MTRF1: variants seen among roughly 807,000 people sequenced by gnomAD.
MTRF1 encodes mitochondrial translation release factor 1, also known as peptide chain release factor 1, mitochondrial.
A neutral mutation model predicts 62.9 loss-of-function variants in MTRF1; 51 were observed. The ratio of observed to expected loss-of-function variants is 0.81; its 90% CI spans 0.65 to 1.02. MTRF1 has a LOEUF of 1.02. Among genes scored for constraint, MTRF1 ranks in the 50% least tolerant of loss-of-function variants. The probability of loss-of-function intolerance (pLI) is 0.00; values close to 1 mark genes in which losing one functional copy is unlikely to be tolerated. For missense variants in MTRF1, 446 were observed against 530.0 expected, an observed-to-expected ratio of 0.84 and a Z score of 1.56; for synonymous variants, 158 against 181.9, an observed-to-expected ratio of 0.87 and a Z score of 1.06.
At chr13:41,292,063 CCAA>C in the MTRF1 span, among the ~76,000 whole-genome samples, 4 of 151,846 alleles carry the variant, frequency 2.6e-5, no homozygotes, top group Non-Finnish European at 5.9e-5. Context: ...TATGCAGAGA[CCAA>C]CAAAACAAAA....
chr13:41,262,770 G>T (rs547698588), intron 1 of MTRF1, among the ~76,000 whole-genome samples: 16 of 152,280 alleles, frequency 1.1e-4, no homozygotes, highest in African/African-American at 3.1e-4. Flanking sequence ...AGGCCAGCCT[G>T]GGCAACACAG....
At chr13:41,304,424 G>A in the MTRF1 span, among the ~76,000 whole-genome samples, 1 of 152,206 alleles carries the variant, frequency 6.6e-6, no homozygotes, top group African/African-American at 2.4e-5. Context: ...ACAGACGTGT[G>A]CCTGGGCTTC....
chr13:41,309,195 T>C, the MTRF1 span, among the ~76,000 whole-genome samples: 1 of 151,954 alleles, frequency 6.6e-6, no homozygotes, highest in South Asian at 2.1e-4. Context: ...ATGTGTCCTT[T>C]TTTTTTTTGA....
At chr13:41,275,374 G>T in the MTRF1 span, among the ~76,000 whole-genome samples, 1 of 151,864 alleles carries the variant, frequency 6.6e-6, no homozygotes, top group Non-Finnish European at 1.5e-5. Flanking sequence ...CTAATTTGTT[G>T]TATTTTTAGT....
chr13:41,254,412 A>G (rs1327000742), intron 3 of MTRF1, 117 bp downstream of exon 3: 9 of 554,526 alleles, frequency 1.6e-5, no homozygotes, highest in Non-Finnish European at 2.8e-5. Context: ...ATCACTTATC[A>G]TAAGAGAACA....
intron 5 of MTRF1, among the ~76,000 whole-genome samples, chr13:41,244,048 C>A (rs2037904345): frequency 6.6e-6 from 1 of 152,256 alleles, no homozygotes; most frequent in Non-Finnish European, 1.5e-5. Flanking sequence ...TAATGTTCAC[C>A]CCTACTCCTT....
In MTRF1 at chr13:41,245,238, A is replaced by G. The variant is rs528090231; in HGVS notation, c.698-4805T>C. Among the ~76,000 whole-genome samples, 4 of 136,208 alleles carry G rather than the reference A, an allele frequency of 2.9e-5. No individual in the cohort carries two copies. The East Asian group carries it at 8.4e-4, about 29-fold the overall frequency. The allele number at this position is 136,208 out of a possible 152,430, so 89.4% of individuals were successfully genotyped here. ...ATCCTGATTTATCAGATTCTTTGAC[A>G]CTTCATATTGCTTTTTTTTTTTGAA... On this transcript the variant is annotated intron_variant, in intron 5 of 9. Coordinates refer to ENST00000379480, the MANE Select transcript of MTRF1 (RefSeq NM_004294.4).
the MTRF1 span, among the ~76,000 whole-genome samples, chr13:41,270,886 C>T: frequency 1.3e-4 from 20 of 152,028 alleles, no homozygotes; most frequent in African/African-American, 1.7e-4. Context: ...TACAGGCATG[C>T]GCCACCATGC....
In MTRF1 at chr13:41,216,938, AAAAT is replaced by A; in HGVS notation, c.*173_*176del. 2.4e-6 allele frequency: 1 copy of A among 417,274 alleles called. No homozygotes were observed. Among genetic ancestry groups the A allele is most frequent in the Non-Finnish European group, 4.2e-6 (1 of 236,120 alleles). The allele number at this position is 417,274 out of a possible 1,614,324, so 25.8% of individuals were successfully genotyped here. A position where few individuals can be genotyped will look rare whatever the true frequency, so the allele number is the denominator to read the frequency against. On this transcript the variant is annotated 3_prime_UTR_variant, in exon 10 of 10. Transcript: ENST00000379480. ...TTGGATTGTACTTTACAGGAAACCTAAAATAAATTCTTAGGTCAGGAAATGTGAC... is the reference window on the plus strand; with the variant it reads ...TTGGATTGTACTTTACAGGAAACCTAAAATTCTTAGGTCAGGAAATGTGAC...
At chr13:41,244,396 G>T (rs1014962906) in intron 5 of MTRF1, among the ~76,000 whole-genome samples, 1 of 152,054 alleles carries the variant, frequency 6.6e-6, no homozygotes, top group Non-Finnish European at 1.5e-5. Context: ...AGTGTTGGTC[G>T]TTCTAGCTGG....
At chr13:41,273,270 G>A in the MTRF1 span, among the ~76,000 whole-genome samples, 8 of 151,436 alleles carry the variant, frequency 5.3e-5, no homozygotes, top group Admixed American at 2.6e-4. Context: ...AGGTTGCAGT[G>A]AGCCGAGATC....
intron 6 of MTRF1, among the ~76,000 whole-genome samples, chr13:41,239,320 A>G (rs1298685635): frequency 6.6e-6 from 1 of 152,182 alleles, no homozygotes; most frequent in African/African-American, 2.4e-5. Context: ...GATATTATAC[A>G]ATTATGTTTA....
In MTRF1 at chr13:41,247,144, G is replaced by A. The variant is rs149236392; in HGVS notation, c.697+5501C>T. Among the ~76,000 whole-genome samples the A allele has an allele frequency of 3.0e-3, 461 of 152,302 alleles. 2 individuals are homozygous for A. The highest frequency in any genetic ancestry group is 0.014 in the Middle Eastern group (4 of 294). ...GAGATAAATACATGCAGAACATTTC[G>A]TACAGTGTTGACATGCAGCTGTCGA... is the stretch of plus-strand genomic sequence containing the variant. On this transcript the variant is annotated intron_variant, in intron 5 of 9. Coordinates refer to ENST00000379480, the MANE Select transcript of MTRF1 (RefSeq NM_004294.4).
In MTRF1 at chr13:41,226,508, C is replaced by T. The variant is rs140431727; in HGVS notation, c.1049G>A (p.Arg350His). The change falls in exon 8 of 10, where the codon CGT becomes CAT. Residue 350 changes from arginine (R) to histidine (H), a missense_variant. Physicochemically the swap from Arg to His is conservative, Grantham distance 29 (BLOSUM62 0). Coordinates refer to ENST00000379480, the MANE Select transcript of MTRF1 (RefSeq NM_004294.4). Reference sequence around the variant, plus strand: ...CTGGTAGAGTCTAGCTCTCAACACACGAAAGGCTATTTCTTTATTTTTTAT... The same window carrying T: ...CTGGTAGAGTCTAGCTCTCAACACATGAAAGGCTATTTCTTTATTTTTTAT... ...SQIKNKEIAF[R>H]VLRARLYQQI... 1.5e-5 allele frequency: 24 copies of T among 1,613,826 alleles called. No individual in the cohort carries two copies. The highest frequency in any genetic ancestry group is 8.0e-5 in the African/African-American group (6 of 74,910).
At chr13:41,311,486 A>G in the MTRF1 span, 1 of 1,562,724 alleles carries the variant, frequency 6.4e-7, no homozygotes, top group East Asian at 2.4e-5. Flanking sequence ...GCGCCCGGGC[A>G]CCTAGCCTCC....
At chr13:41,263,132 C>A in intron 1 of MTRF1, 2 of 509,744 alleles carry the variant, frequency 3.9e-6, no homozygotes, top group South Asian at 1.7e-5. Context: ...AAAAGGATGA[C>A]AAATATATGT....
At chr13:41,276,507 G>A in the MTRF1 span, among the ~76,000 whole-genome samples, 2 of 152,230 alleles carry the variant, frequency 1.3e-5, no homozygotes, top group Admixed American at 1.3e-4. Context: ...CATGTGCCAA[G>A]CACTCTGCTA....
At chr13:41,309,433 G>A in the MTRF1 span, among the ~76,000 whole-genome samples, 1 of 151,374 alleles carries the variant, frequency 6.6e-6, no homozygotes, top group African/African-American at 2.4e-5. Flanking sequence ...AGGGTGATCC[G>A]CCTGCCTCAG....
Position 41,240,278 on chromosome 13 carries a change from G to A in MTRF1, c.853C>T (p.Leu285Phe), listed in dbSNP as rs768830686. The A allele has an allele frequency of 1.9e-6, 3 of 1,608,646 alleles. No individual in the cohort carries two copies. The highest frequency in any genetic ancestry group is 2.5e-6 in the Non-Finnish European group (3 of 1,177,374). Residue 285 changes from leucine to phenylalanine, a missense_variant, in exon 6 of 10, where the codon CTT becomes TTT. Transcript: ENST00000379480. Reference protein sequence around the residue: ...IHTGTMSVIVLPQPDEVDVKL... With the variant: ...IHTGTMSVIVFPQPDEVDVKL... ...GAGGTTACCTCATCTGGCTGAGGAA[G>A]GACAATAACCGACATCGTTCCTGTG... is the stretch of plus-strand genomic sequence containing the variant.
Sources: gnomAD v4.1 joint callset for allele counts (sites outside exome capture counted in the v4.1 genomes callset) on GRCh38, gnomAD v4.1.1 for gene constraint, MANE v1.5 for transcripts, NCBI Gene and HGNC (gene_info 2026-07-23, HGNC 2026-07-21) for gene names.